MAGI2: variants seen among roughly 807,000 people sequenced by gnomAD.
The protein encoded by MAGI2 is membrane-associated guanylate kinase, WW and PDZ domain-containing protein 2.
In MAGI2, 35 loss-of-function variants were observed where a neutral mutation model predicts 133.3. That is an observed-to-expected ratio of 0.26 (90% CI 0.20 to 0.35). MAGI2 has a LOEUF of 0.35. Ranked by LOEUF, MAGI2 falls within the 10% of genes least tolerant of loss-of-function variation. The pLI, the probability that MAGI2 is intolerant of heterozygous loss-of-function variation, is 1.00. For synonymous variants in MAGI2, 729 were observed against 710.6 expected, an observed-to-expected ratio of 1.03 and a Z score of -0.41; for missense variants, 1,636 against 1,863.4, an observed-to-expected ratio of 0.88 and a Z score of 2.25.
chr7:78,718,557 C>T (rs1819946545), intron 2 of MAGI2, among the ~76,000 whole-genome samples: 2 of 151,778 alleles, frequency 1.3e-5, no homozygotes, highest in Non-Finnish European at 2.9e-5. Context: ...TGTAGGTTGT[C>T]CGCTCCTTAT....
chr7:78,285,394 CTATTTG>C (rs1238787764), intron 9 of MAGI2, among the ~76,000 whole-genome samples: 2 of 151,730 alleles, frequency 1.3e-5, no homozygotes, highest in Non-Finnish European at 2.9e-5. Flanking sequence ...TGAATGCTTC[CTATTTG>C]TGAGTAATTT....
At chr7:79,172,065 T>G (rs569237467) in intron 1 of MAGI2, among the ~76,000 whole-genome samples, 13 of 152,004 alleles carry the variant, frequency 8.6e-5, no homozygotes, top group South Asian at 6.2e-4. Flanking sequence ...AAACTGTGAT[T>G]CTTGTGCAAG....
At chr7:78,331,248 A>G (rs2534647) in intron 9 of MAGI2, among the ~76,000 whole-genome samples, 76,905 of 151,952 alleles carry the variant, frequency 0.51, 19,780 homozygotes, top group Middle Eastern at 0.55. Context: ...GAAACTACCT[A>G]TTGGGTACTA....
intron 10 of MAGI2, among the ~76,000 whole-genome samples, chr7:78,215,718 G>GA (rs751247522): frequency 2.0e-5 from 3 of 152,192 alleles, no homozygotes; most frequent in Non-Finnish European, 4.4e-5. Context: ...GGGAATGGAG[G>GA]AAAAGGGGGT....
chr7:78,977,543 A>G (rs965078571), intron 2 of MAGI2, among the ~76,000 whole-genome samples: 1 of 151,494 alleles, frequency 6.6e-6, no homozygotes, highest in Non-Finnish European at 1.5e-5. Flanking sequence ...AGACCTTACA[A>G]TTTACACAAA....
chr7:79,130,760 C>A (rs1016150956), intron 1 of MAGI2, among the ~76,000 whole-genome samples: 1 of 152,128 alleles, frequency 6.6e-6, no homozygotes, highest in Non-Finnish European at 1.5e-5. Flanking sequence ...GTGCTAGAGA[C>A]TGTACTAAGT....
intron 2 of MAGI2, among the ~76,000 whole-genome samples, chr7:78,954,780 A>G (rs1802154876): frequency 6.6e-6 from 1 of 152,146 alleles, no homozygotes. Context: ...GGTAGTTGTG[A>G]TCATTCTTTT....
intron 4 of MAGI2, among the ~76,000 whole-genome samples, chr7:78,511,372 C>T (rs1194647414): frequency 6.6e-6 from 1 of 151,840 alleles, no homozygotes; most frequent in Non-Finnish European, 1.5e-5. Context: ...ACGCATTCTA[C>T]ACAGTCAGTT....
chr7:78,392,784 C>T (rs150691554), intron 6 of MAGI2, among the ~76,000 whole-genome samples: 8,137 of 152,214 alleles, frequency 0.053, 312 homozygotes, highest in South Asian at 0.095. Flanking sequence ...GCTGGGATTA[C>T]AGGCATGCGC....
intron 10 of MAGI2, among the ~76,000 whole-genome samples, chr7:78,224,683 C>T (rs1011944766): frequency 6.8e-6 from 1 of 146,740 alleles, no homozygotes; most frequent in Admixed American, 6.9e-5. Flanking sequence ...ACAACAGCAA[C>T]AACAACGTAA....
intron 13 of MAGI2, among the ~76,000 whole-genome samples, chr7:78,180,379 G>A (rs1045685678): frequency 6.6e-6 from 1 of 152,122 alleles, no homozygotes; most frequent in Non-Finnish European, 1.5e-5. Context: ...AAGAAATGCC[G>A]AAATTATGAC....
intron 2 of MAGI2, among the ~76,000 whole-genome samples, chr7:78,678,132 A>C (rs990474778): frequency 6.6e-6 from 1 of 152,146 alleles, no homozygotes; most frequent in African/African-American, 2.4e-5. Context: ...AGACAATGGA[A>C]TAGTGGAAAA....
At chr7:78,633,759 C>T (rs181111778) in intron 2 of MAGI2, among the ~76,000 whole-genome samples, 7 of 148,270 alleles carry the variant, frequency 4.7e-5, no homozygotes, top group South Asian at 2.1e-4. Context: ...TAAAATGGTG[C>T]GATAAAAAGG....
chr7:78,040,723 G>C lies in MAGI2; in HGVS notation c.3707-20747C>G, dbSNP rs187528097. The stretch of plus-strand genomic sequence containing the variant: ...TCGGGATGACGTTACACCTCCCACG[G>C]AGACGTCTAAACCCTCGTGAAGTCT... On this transcript the variant is annotated intron_variant, in intron 21 of 21. Coordinates refer to ENST00000354212, the MANE Select transcript of MAGI2 (RefSeq NM_012301.4). Among the ~76,000 whole-genome samples the C allele has an allele frequency of 5.2e-3, 787 of 152,258 alleles. 4 individuals carry two copies. The highest frequency in any genetic ancestry group is 0.018 in the African/African-American group (744 of 41,546).
chr7:79,262,616 A>G (rs1470936499), intron 1 of MAGI2, among the ~76,000 whole-genome samples: 1 of 152,218 alleles, frequency 6.6e-6, no homozygotes, highest in Non-Finnish European at 1.5e-5. Context: ...TGGCTGAAGC[A>G]AAGAATAGAT....
chr7:78,414,077 T>C lies in MAGI2; in HGVS notation c.1046-44864A>G, dbSNP rs908696022. On this transcript the variant is annotated intron_variant, in intron 6 of 21. Transcript: ENST00000354212. ...CAAAATATTAACCAGAGGTGCAAAT[T>C]TGAGCATCTGTTCCCTCAGTGTTTT... Among the ~76,000 whole-genome samples the C allele has an allele frequency of 3.3e-5, 5 of 152,118 alleles. 1 individual carries two copies. The highest frequency in any genetic ancestry group is 3.9e-4 in the East Asian group (2 of 5,158).
chr7:78,067,880 T>C (rs1180918422), intron 21 of MAGI2, among the ~76,000 whole-genome samples: 1 of 152,054 alleles, frequency 6.6e-6, no homozygotes, highest in East Asian at 1.9e-4. Flanking sequence ...TGGTAAAAAA[T>C]ACAGAGATAA....
At chr7:78,137,939 T>A (rs1186423838) in intron 16 of MAGI2, among the ~76,000 whole-genome samples, 1 of 152,142 alleles carries the variant, frequency 6.6e-6, no homozygotes, top group Non-Finnish European at 1.5e-5. Flanking sequence ...AATATATGTG[T>A]GTATATATAT....
At chr7:79,211,269 A>T (rs1829469914) in intron 1 of MAGI2, among the ~76,000 whole-genome samples, 1 of 151,824 alleles carries the variant, frequency 6.6e-6, no homozygotes, top group Admixed American at 6.6e-5. Flanking sequence ...AACGTACACA[A>T]ACCTTTCTTT....
Sources: allele counts gnomAD v4.1 joint callset (sites outside exome capture counted in the v4.1 genomes callset), GRCh38; gene constraint gnomAD v4.1.1; transcripts MANE v1.5; gene names NCBI Gene and HGNC (gene_info 2026-07-23, HGNC 2026-07-21).